GBX1: variants seen among roughly 807,000 people sequenced by gnomAD.
GBX1 encodes homeobox protein GBX-1.
Under a neutral mutation model 22.9 loss-of-function variants are expected in GBX1, and 9 were observed. The observed-to-expected ratio is 0.39, with a 90% CI of 0.24 to 0.69. GBX1 has a LOEUF of 0.69. Ranked by LOEUF, GBX1 falls within the 30% of genes least tolerant of loss-of-function variation. GBX1 has a pLI of 0.43. For synonymous variants in GBX1, 203 were observed against 227.3 expected (o/e 0.89, Z 0.96); for missense variants, 494 against 509.2 (o/e 0.97, Z 0.29).
chr7:151,164,244 T>C (rs1383849730), intron 1 of GBX1, among the ~76,000 whole-genome samples: 2 of 152,232 alleles, frequency 1.3e-5, no homozygotes, highest in African/African-American at 2.4e-5. Flanking sequence ...TTGCATTATT[T>C]CTCCAAATTC....
chr7:151,164,341 G>T (rs927977437), intron 1 of GBX1, among the ~76,000 whole-genome samples: 1 of 152,150 alleles, frequency 6.6e-6, no homozygotes, highest in Admixed American at 6.5e-5. Context: ...TCCCAAAACA[G>T]AGTATTTGTT....
chr7:151,167,352 AGCGGCGCAGGGGCCAGCGCCT>A lies in GBX1; in HGVS notation c.176_196del (p.Gln59_Pro65del). On this transcript the variant is annotated inframe_deletion, in exon 1 of 2. Coordinates refer to ENST00000297537, the MANE Select transcript of GBX1 (RefSeq NM_001098834.3). The surrounding 1 kb of genome is among the most constrained non-coding windows in gnomAD (Gnocchi z 5.9). Reference sequence around the variant, plus strand: ...GGCGAGGGGCGGGAGGCCAGCGGGCAGCGGCGCAGGGGCCAGCGCCTGCGGCAGCACGAGCGGCCGGTAGGG... The same window carrying A: ...GGCGAGGGGCGGGAGGCCAGCGGGCAGCGGCAGCACGAGCGGCCGGTAGGG... The A allele has an allele frequency of 6.6e-7, 1 of 1,507,810 alleles. No individual in the cohort carries two copies. Among genetic ancestry groups the A allele is most frequent in the Non-Finnish European group, 8.8e-7 (1 of 1,131,256 alleles). The allele number at this position is 1,507,810 out of a possible 1,614,324, so 93.4% of individuals were successfully genotyped here. A position where few individuals can be genotyped will look rare whatever the true frequency, so the allele number is the denominator to read the frequency against.
intron 1 of GBX1, among the ~76,000 whole-genome samples, chr7:151,153,744 G>T (rs1417353369): frequency 6.6e-6 from 1 of 151,400 alleles, no homozygotes; most frequent in Non-Finnish European, 1.5e-5. Flanking sequence ...TTACTTTTTT[G>T]CAGTGTTGGG....
chr7:151,160,252 C>T (rs927154887), intron 1 of GBX1, among the ~76,000 whole-genome samples: 3 of 152,200 alleles, frequency 2.0e-5, no homozygotes, highest in East Asian at 1.9e-4. Flanking sequence ...AGTGTCCACA[C>T]ATAATTCATA....
At chr7:151,155,198 G>GC (rs1430604558) in intron 1 of GBX1, among the ~76,000 whole-genome samples, 11 of 152,234 alleles carry the variant, frequency 7.2e-5, no homozygotes, top group Non-Finnish European at 8.8e-5. Flanking sequence ...CTCCTGGTCC[G>GC]CCCATCTTAG....
chr7:151,149,911 C>T (rs752410363), intron 1 of GBX1: 6 of 455,932 alleles, frequency 1.3e-5, no homozygotes, highest in Non-Finnish European at 2.2e-5. Flanking sequence ...GAAACCATCT[C>T]TTTCCCACCT....
intron 1 of GBX1, among the ~76,000 whole-genome samples, chr7:151,157,951 C>T (rs1332571325): frequency 6.6e-6 from 1 of 152,156 alleles, no homozygotes; most frequent in Non-Finnish European, 1.5e-5. Flanking sequence ...TCTCTTACCT[C>T]TAGCTAAATG....
At chr7:151,164,980 CACACACAA>C (rs1801233384) in intron 1 of GBX1, among the ~76,000 whole-genome samples, 1 of 151,800 alleles carries the variant, frequency 6.6e-6, no homozygotes, top group Non-Finnish European at 1.5e-5. Flanking sequence ...CTTACACACA[CACACACAA>C]ACACACACAC....
chr7:151,165,957 C>T (rs762641686), intron 1 of GBX1, among the ~76,000 whole-genome samples: 2 of 152,300 alleles, frequency 1.3e-5, no homozygotes, highest in African/African-American at 4.8e-5. Context: ...AAGCTGGATG[C>T]AATGAATGGT....
intron 1 of GBX1, among the ~76,000 whole-genome samples, chr7:151,159,423 G>A (rs1584804396): frequency 6.6e-6 from 1 of 152,094 alleles, no homozygotes; most frequent in African/African-American, 2.4e-5. Flanking sequence ...TGTTGTGCAG[G>A]CTGGAGTGCA....
At chr7:151,161,387 T>C (rs1801186812) in intron 1 of GBX1, among the ~76,000 whole-genome samples, 1 of 152,208 alleles carries the variant, frequency 6.6e-6, no homozygotes, top group Admixed American at 6.5e-5. Flanking sequence ...CAGGGCATCT[T>C]AGCCTCTGAT....
chr7:151,167,277 A>G lies in GBX1; in HGVS notation c.272T>C (p.Leu91Pro), dbSNP rs1171749822. Residue 91 changes from leucine (L) to proline (P), a missense_variant, in exon 1 of 2, where the codon CTG becomes CCG. Coordinates refer to ENST00000297537, the MANE Select transcript of GBX1 (RefSeq NM_001098834.3). The surrounding 1 kb of genome is among the most constrained non-coding windows in gnomAD (Gnocchi z 5.9). ...GRLTNTFCAG[L>P]GQAVPSMVAL... is the part of the protein sequence containing the mutation. ...CACCATCGAGGGCACAGCCTGACCC[A>G]GCCCCGCGCAGAAGGTGTTGGTAAG... 1 of 1,537,448 alleles carries G rather than the reference A, an allele frequency of 6.5e-7. No individual in the cohort carries two copies. Among genetic ancestry groups the G allele is most frequent in the South Asian group, 1.2e-5 (1 of 82,128 alleles).
intron 1 of GBX1, among the ~76,000 whole-genome samples, chr7:151,157,867 A>T (rs1231514335): frequency 1.3e-5 from 2 of 152,176 alleles, no homozygotes; most frequent in Non-Finnish European, 2.9e-5. Flanking sequence ...TTTTATTTAC[A>T]CTAGAATCCA....
intron 1 of GBX1, among the ~76,000 whole-genome samples, chr7:151,157,953 A>G (rs1801153893): frequency 6.6e-6 from 1 of 152,184 alleles, no homozygotes; most frequent in Non-Finnish European, 1.5e-5. Flanking sequence ...TCTTACCTCT[A>G]GCTAAATGAA....
intron 1 of GBX1, among the ~76,000 whole-genome samples, chr7:151,163,464 T>A (rs1801209578): frequency 6.6e-6 from 1 of 152,214 alleles, no homozygotes; most frequent in South Asian, 2.1e-4. Flanking sequence ...CGGTCACCAC[T>A]GTTCACCTGT....
chr7:151,149,539 A>G lies in GBX1; in HGVS notation c.539-397T>C, dbSNP rs2150547056. Among the ~76,000 whole-genome samples, 2 of 150,934 alleles carry G rather than the reference A, an allele frequency of 1.3e-5. 1 individual carries two copies. Among genetic ancestry groups the G allele is most frequent in the South Asian group, 4.2e-4 (2 of 4,798 alleles). ...CATCGCAGTGATATACCACCCCTCC[A>G]GAGCCAGGCCTCGCAGCCTCAGGTG... On this transcript the variant is annotated intron_variant, in intron 1 of 1. Coordinates refer to ENST00000297537, the MANE Select transcript of GBX1 (RefSeq NM_001098834.3).
intron 1 of GBX1, among the ~76,000 whole-genome samples, chr7:151,153,237 C>T (rs1034848513): frequency 6.6e-6 from 1 of 152,280 alleles, no homozygotes; most frequent in Admixed American, 6.5e-5. Flanking sequence ...CCTCATCTAC[C>T]TTTCCCCCCA....
In GBX1 at chr7:151,166,478, C is replaced by A. The variant is rs376902580; in HGVS notation, c.538+533G>T. Reference sequence around the variant, plus strand: ...AAGTCACGGCTTTGAGACGCAACCCCCCCCCCCCAACACACACACACACAC... The same window carrying A: ...AAGTCACGGCTTTGAGACGCAACCCACCCCCCCCAACACACACACACACAC... On this transcript the variant is annotated intron_variant, in intron 1 of 1. Transcript: ENST00000297537. Among the ~76,000 whole-genome samples the A allele has an allele frequency of 1.2e-4, 15 of 124,372 alleles. 1 individual carries two copies. The highest frequency in any genetic ancestry group is 7.1e-4 in the East Asian group (3 of 4,250). 81.6% of individuals were successfully genotyped at this position (124,372 alleles called of 152,430 possible).
At chr7:151,155,280 G>C (rs1047456113) in intron 1 of GBX1, among the ~76,000 whole-genome samples, 1 of 152,006 alleles carries the variant, frequency 6.6e-6, no homozygotes, top group Non-Finnish European at 1.5e-5. Context: ...GTTTGGGTGG[G>C]GTCAAAAGGT....
Sources: allele counts gnomAD v4.1 joint callset (sites outside exome capture counted in the v4.1 genomes callset), GRCh38; gene constraint gnomAD v4.1.1; non-coding constraint Gnocchi (gnomAD v3.1); transcripts MANE v1.5; gene names NCBI Gene and HGNC (gene_info 2026-07-23, HGNC 2026-07-21).